PCDH7: variants seen among roughly 807,000 people sequenced by gnomAD.
PCDH7 encodes protocadherin 7, also known as protocadherin-7.
PCDH7 carries 17 observed loss-of-function variants against 58.9 expected under a neutral mutation model. That is an observed-to-expected ratio of 0.29 (90% CI 0.20 to 0.43). The LOEUF (loss-of-function observed/expected upper bound fraction) is 0.43. Ranked by LOEUF, PCDH7 falls within the 20% of genes least tolerant of loss-of-function variation. The probability of loss-of-function intolerance (pLI) is 1.00; values close to 1 mark genes in which losing one functional copy is unlikely to be tolerated. For synonymous variants in PCDH7, 664 were observed against 616.4 expected (o/e 1.08, Z -1.14); for missense variants, 1,274 against 1,441.0 (o/e 0.88, Z 1.88).
intron 1 of PCDH7, among the ~76,000 whole-genome samples, chr4:30,794,396 T>G (rs1001583351): frequency 5.3e-5 from 8 of 152,220 alleles, no homozygotes; most frequent in Non-Finnish European, 8.8e-5. Flanking sequence ...ATTAGTTTCC[T>G]TTGAATTTGT....
chr4:30,884,689 G>A (rs946522639), intron 1 of PCDH7: 1 of 152,108 alleles, frequency 6.6e-6, no homozygotes, highest in African/African-American at 2.4e-5. Flanking sequence ...TGAGAATGGA[G>A]AATACAAGGG....
chr4:30,792,068 A>C (rs1282190544), intron 1 of PCDH7, among the ~76,000 whole-genome samples: 2 of 152,166 alleles, frequency 1.3e-5, no homozygotes, highest in African/African-American at 4.8e-5. Flanking sequence ...GTGTTTATTA[A>C]GTGATAAGAT....
intron 3 of PCDH7, among the ~76,000 whole-genome samples, chr4:30,964,935 A>C (rs1482190628): frequency 6.6e-6 from 1 of 152,194 alleles, no homozygotes; most frequent in Non-Finnish European, 1.5e-5. Flanking sequence ...AGCAATATTC[A>C]GAGTTATTGC....
chr4:31,004,185 C>T (rs1752579892), intron 3 of PCDH7, among the ~76,000 whole-genome samples: 1 of 151,968 alleles, frequency 6.6e-6, no homozygotes, highest in Non-Finnish European at 1.5e-5. Context: ...CGTTTAACTT[C>T]GGTTTGTATG....
chr4:31,053,071 C>T (rs1294737008), intron 3 of PCDH7, among the ~76,000 whole-genome samples: 2 of 151,910 alleles, frequency 1.3e-5, no homozygotes, highest in Admixed American at 6.6e-5. Context: ...TCTCTTTGCA[C>T]CAGTTAGGAT....
At chr4:30,956,738 T>G (rs1404652022) in intron 3 of PCDH7, among the ~76,000 whole-genome samples, 1 of 152,206 alleles carries the variant, frequency 6.6e-6, no homozygotes, top group African/African-American at 2.4e-5. Context: ...GAGACACTTG[T>G]GATCCAGATT....
intron 3 of PCDH7, among the ~76,000 whole-genome samples, chr4:31,091,917 T>C (rs1336945798): frequency 6.6e-6 from 1 of 151,998 alleles, no homozygotes; most frequent in Non-Finnish European, 1.5e-5. Flanking sequence ...GTATTTTTAA[T>C]AGTTGAATTG....
chr4:30,835,475 C>G (rs1197720204), intron 1 of PCDH7, among the ~76,000 whole-genome samples: 1 of 152,110 alleles, frequency 6.6e-6, no homozygotes, highest in Non-Finnish European at 1.5e-5. Flanking sequence ...AAAGCCATCT[C>G]CCACCCACCA....
intron 3 of PCDH7, among the ~76,000 whole-genome samples, chr4:31,121,290 A>G (rs1717663178): frequency 6.6e-6 from 1 of 152,212 alleles, no homozygotes; most frequent in Admixed American, 6.5e-5. Flanking sequence ...TAGCATATAT[A>G]AATTATCTAT....
At chr4:30,738,974 C>T (rs6448719) in intron 1 of PCDH7, among the ~76,000 whole-genome samples, 69,450 of 151,248 alleles carry the variant, frequency 0.46, 16,558 homozygotes, top group Middle Eastern at 0.53. Context: ...TTATTATGTA[C>T]GCATGCAATA....
chr4:30,996,960 C>T (rs1751950017), intron 3 of PCDH7, among the ~76,000 whole-genome samples: 1 of 152,106 alleles, frequency 6.6e-6, no homozygotes, highest in African/African-American at 2.4e-5. Flanking sequence ...GGAAAACTGC[C>T]TATTTACTCT....
intron 1 of PCDH7, among the ~76,000 whole-genome samples, chr4:30,767,885 T>C (rs1720948978): frequency 6.6e-6 from 1 of 152,196 alleles, no homozygotes; most frequent in Non-Finnish European, 1.5e-5. Flanking sequence ...ATTCAAGCCC[T>C]GTTCCATTAA....
chr4:31,114,929 T>C (rs1175769982), intron 3 of PCDH7, among the ~76,000 whole-genome samples: 3 of 152,202 alleles, frequency 2.0e-5, no homozygotes, highest in Admixed American at 6.5e-5. Context: ...TTTCTTGAAA[T>C]GGATGCTTCA....
chr4:31,034,833 T>A (rs964022467), intron 3 of PCDH7, among the ~76,000 whole-genome samples: 1 of 152,128 alleles, frequency 6.6e-6, no homozygotes, highest in African/African-American at 2.4e-5. Context: ...GAACTTCAAA[T>A]AGGATTGATT....
At chr4:30,801,248 AT>A (rs1414639070) in intron 1 of PCDH7, among the ~76,000 whole-genome samples, 1 of 152,214 alleles carries the variant, frequency 6.6e-6, no homozygotes, top group Non-Finnish European at 1.5e-5. Context: ...AGAAAGTGGA[AT>A]TGGAAATGTG....
At position 30,722,643 on chromosome 4, in the gene PCDH7, C is replaced by G. The variant is rs749588915; in HGVS notation, c.1221C>G (p.Asp407Glu). The stretch of plus-strand genomic sequence containing the variant: ...CCACCGTGGTCCTTAACATCAAAGA[C>G]GAGAACGACAACGTGCCGTCCATTG... Residue 407 changes from aspartate to glutamate, a missense_variant, in exon 1 of 2, where the codon GAC (aspartate) becomes GAG (glutamate). By Grantham distance (45) the Asp-to-Glu change is conservative. Transcript: ENST00000361762. This position sits in a 1 kb window ranked among gnomAD's most constrained non-coding sequence, Gnocchi z 7.6. 6.2e-7 allele frequency: 1 copy of G among 1,613,486 alleles called. No homozygotes were observed. The highest frequency in any genetic ancestry group is 1.1e-5 in the South Asian group (1 of 91,082).
At chr4:30,955,190 T>C (rs1416433559) in intron 3 of PCDH7, among the ~76,000 whole-genome samples, 1 of 152,114 alleles carries the variant, frequency 6.6e-6, no homozygotes, top group African/African-American at 2.4e-5. Flanking sequence ...AATTGTTTGG[T>C]GCTCTTAAGG....
intron 3 of PCDH7, among the ~76,000 whole-genome samples, chr4:30,952,048 T>C (rs1365702035): frequency 1.3e-5 from 2 of 152,206 alleles, no homozygotes; most frequent in Non-Finnish European, 1.5e-5. Context: ...CTATTCTGTT[T>C]TTATTCCCTA....
chr4:31,106,795 A>G (rs568556536), intron 3 of PCDH7, among the ~76,000 whole-genome samples: 2 of 152,320 alleles, frequency 1.3e-5, no homozygotes, highest in South Asian at 4.1e-4. Flanking sequence ...AGTATGGTCC[A>G]TTTAGGATAG....
Sources: gnomAD v4.1 joint callset for allele counts (sites outside exome capture counted in the v4.1 genomes callset) on GRCh38, gnomAD v4.1.1 for gene constraint, Gnocchi (gnomAD v3.1) non-coding constraint, MANE v1.5 for transcripts, NCBI Gene and HGNC (gene_info 2026-07-23, HGNC 2026-07-21) for gene names.